Variants in GRID2 observed in about 807,000 individuals in gnomAD.
GRID2 encodes the protein glutamate ionotropic receptor delta type subunit 2.
A neutral mutation model predicts 114.8 loss-of-function variants in GRID2; 33 were observed. The observed-to-expected ratio is 0.29, with a 90% confidence interval of 0.22 to 0.38. GRID2 has a LOEUF of 0.38. Among genes scored for constraint, GRID2 ranks in the 10% least tolerant of loss-of-function variants. The pLI, the probability that GRID2 is intolerant of heterozygous loss-of-function variation, is 1.00. For missense variants in GRID2, 1,184 were observed against 1,257.7 expected, an observed-to-expected ratio of 0.94 and a Z score of 0.89; for synonymous variants, 505 against 449.9, an observed-to-expected ratio of 1.12 and a Z score of -1.55.
chr4:93,801,007 C>A (rs1302040924), intron 1 of GRID2, among the ~76,000 whole-genome samples: 2 of 152,098 alleles, frequency 1.3e-5, no homozygotes, highest in Non-Finnish European at 1.5e-5. Flanking sequence ...AACTAATAAA[C>A]TGAATCAAAT....
At chr4:93,599,561 T>C (rs537199404) in intron 13 of GRID2, among the ~76,000 whole-genome samples, 132 of 152,340 alleles carry the variant, frequency 8.7e-4, no homozygotes, top group Non-Finnish European at 1.4e-3. Flanking sequence ...CCTAAAACTA[T>C]GGCTTCCATT....
chr4:93,240,793 G>A (rs1400116981), intron 8 of GRID2, among the ~76,000 whole-genome samples: 1 of 150,948 alleles, frequency 6.6e-6, no homozygotes, highest in African/African-American at 2.4e-5. Context: ...TAAGAAAAAG[G>A]TAAAATTTTA....
At chr4:92,853,387 A>T (rs1376252071) in intron 2 of GRID2, among the ~76,000 whole-genome samples, 1 of 152,054 alleles carries the variant, frequency 6.6e-6, no homozygotes, top group Admixed American at 6.6e-5. Context: ...TTTCCTTTGT[A>T]TGAAGATTTT....
intron 1 of GRID2, among the ~76,000 whole-genome samples, chr4:93,797,080 A>G (rs1474155201): frequency 2.0e-5 from 3 of 152,212 alleles, no homozygotes; most frequent in South Asian, 2.1e-4. Context: ...TACTGATTGA[A>G]TGTTGACAAA....
chr4:93,127,006 C>G (rs535936161), intron 4 of GRID2, among the ~76,000 whole-genome samples: 88 of 152,254 alleles, frequency 5.8e-4, no homozygotes, highest in Admixed American at 1.1e-3. Flanking sequence ...TAGGTTCTTT[C>G]AGTTGTGTGA....
chr4:92,933,243 T>C (rs1334405259), intron 2 of GRID2, among the ~76,000 whole-genome samples: 1 of 151,278 alleles, frequency 6.6e-6, no homozygotes, highest in African/African-American at 2.4e-5. Flanking sequence ...AAGTATTATT[T>C]GTATGTATCA....
chr4:93,006,253 A>G (rs1227820658), intron 2 of GRID2, among the ~76,000 whole-genome samples: 1 of 152,124 alleles, frequency 6.6e-6, no homozygotes, highest in Non-Finnish European at 1.5e-5. Flanking sequence ...ACCTGTAACA[A>G]TAGTTCTGGC....
intron 14 of GRID2, among the ~76,000 whole-genome samples, chr4:93,754,388 A>C (rs1732577180): frequency 6.6e-6 from 1 of 152,226 alleles, no homozygotes; most frequent in African/African-American, 2.4e-5. Flanking sequence ...AGACCATAAG[A>C]GTAATAATAT....
chr4:93,743,954 A>G (rs570033064), intron 14 of GRID2, among the ~76,000 whole-genome samples: 2 of 152,302 alleles, frequency 1.3e-5, no homozygotes, highest in South Asian at 4.1e-4. Flanking sequence ...GTGACTTTCA[A>G]TGCTCATTTA....
chr4:93,672,182 A>G (rs1380359755), intron 14 of GRID2, among the ~76,000 whole-genome samples: 1 of 152,132 alleles, frequency 6.6e-6, no homozygotes, highest in Non-Finnish European at 1.5e-5. Flanking sequence ...ATCATTCCCC[A>G]GGTGTCCAGA....
chr4:93,368,800 C>T (rs1442592937), intron 8 of GRID2, among the ~76,000 whole-genome samples: 1 of 152,012 alleles, frequency 6.6e-6, no homozygotes, highest in Non-Finnish European at 1.5e-5. Flanking sequence ...GTCACACCTG[C>T]AAAAGGAAGA....
chr4:92,652,957 T>G (rs1732036954), intron 2 of GRID2, among the ~76,000 whole-genome samples: 1 of 127,854 alleles, frequency 7.8e-6, no homozygotes, highest in Admixed American at 7.9e-5. Context: ...TATAAATATA[T>G]ATAAACATAT....
intron 5 of GRID2, among the ~76,000 whole-genome samples, chr4:93,210,877 A>G (rs1743385705): frequency 6.6e-6 from 1 of 151,920 alleles, no homozygotes; most frequent in Non-Finnish European, 1.5e-5. Context: ...GGATTCTTCT[A>G]ATTTTTTGTT....
chr4:93,716,262 A>C (rs776605293), intron 14 of GRID2, among the ~76,000 whole-genome samples: 1 of 152,176 alleles, frequency 6.6e-6, no homozygotes, highest in Non-Finnish European at 1.5e-5. Context: ...AAAGATATAG[A>C]AAAGATGAGG....
intron 14 of GRID2, among the ~76,000 whole-genome samples, chr4:93,662,576 G>A (rs755207636): frequency 6.6e-6 from 1 of 152,048 alleles, no homozygotes; most frequent in Admixed American, 6.6e-5. Context: ...CAAAACTCTT[G>A]ATCAGACTCA....
At chr4:92,623,537 T>A (rs535738975) in intron 2 of GRID2, among the ~76,000 whole-genome samples, 34 of 151,928 alleles carry the variant, frequency 2.2e-4, no homozygotes, top group African/African-American at 7.5e-4. Flanking sequence ...TCTGTGATCA[T>A]GTGTGCAATA....
At chr4:93,121,257 C>T (rs956460103) in intron 4 of GRID2, among the ~76,000 whole-genome samples, 3 of 152,108 alleles carry the variant, frequency 2.0e-5, no homozygotes, top group Non-Finnish European at 4.4e-5. Context: ...CAACAAATTT[C>T]CGTGTGACCA....
chr4:92,620,479 G>A (rs1289676689), intron 2 of GRID2, among the ~76,000 whole-genome samples: 4 of 151,682 alleles, frequency 2.6e-5, no homozygotes, highest in African/African-American at 9.7e-5. Context: ...CAGTAAAAGA[G>A]AGACTCAAAG....
At chr4:92,865,517 A>G (rs1469169126) in intron 2 of GRID2, among the ~76,000 whole-genome samples, 1 of 152,186 alleles carries the variant, frequency 6.6e-6, no homozygotes, top group Non-Finnish European at 1.5e-5. Flanking sequence ...TAACTTGCCT[A>G]ATCTATAAAT....
Sources: gnomAD v4.1 joint callset for allele counts (sites outside exome capture counted in the v4.1 genomes callset) on GRCh38, gnomAD v4.1.1 for gene constraint, MANE v1.5 for transcripts, NCBI Gene and HGNC (gene_info 2026-07-23, HGNC 2026-07-21) for gene names.